The following MCPH1 variants were observed in gnomAD, a reference collection of about 807,000 sequenced individuals.
The protein encoded by MCPH1 is microcephalin 1, also known as microcephalin.
Under a neutral mutation model 84.5 loss-of-function variants are expected in MCPH1, and 104 were observed. The observed-to-expected ratio is 1.23, with a 90% confidence interval of 1.05 to 1.45. The LOEUF (loss-of-function observed/expected upper bound fraction) is 1.45, where lower values mean the gene tolerates loss of function less well. MCPH1 is among the 40% of genes most tolerant of loss of function. The pLI is 0.00. For synonymous variants in MCPH1, 514 were observed against 366.8 expected (o/e 1.40, Z -4.58); for missense variants, 1,498 against 1,005.7 (o/e 1.49, Z -6.62).
At chr8:6,418,026 C>T (rs1388194590) in intron 3 of MCPH1, among the ~76,000 whole-genome samples, 1 of 152,204 alleles carries the variant, frequency 6.6e-6, no homozygotes, top group Non-Finnish European at 1.5e-5. Flanking sequence ...CTTTAAGCCT[C>T]AGGTGCAGGC....
intron 12 of MCPH1, chr8:6,514,838 A>G: frequency 7.0e-7 from 1 of 1,434,612 alleles, no homozygotes; most frequent in Non-Finnish European, 9.8e-7. Flanking sequence ...CTTACGTAGC[A>G]GAAGCAGGAG....
intron 12 of MCPH1, among the ~76,000 whole-genome samples, chr8:6,531,608 A>T (rs1314177188): frequency 1.3e-5 from 2 of 152,088 alleles, no homozygotes; most frequent in African/African-American, 2.4e-5. Context: ...TGACTATTTC[A>T]GTCTTCTTTC....
intron 12 of MCPH1, among the ~76,000 whole-genome samples, chr8:6,552,121 A>G (rs1018968525): frequency 1.4e-4 from 22 of 152,222 alleles, no homozygotes; most frequent in Non-Finnish European, 5.9e-5. Flanking sequence ...AATCTTTTCT[A>G]CTAAGATATG....
At position 6,465,924 on chromosome 8, in the gene MCPH1, G is replaced by GATGC. The variant is rs368134296; in HGVS notation, c.1935+10674_1935+10675insGCAT. 2.7e-3 allele frequency among the ~76,000 whole-genome samples: 407 copies of GATGC among 148,334 alleles called. 2 individuals are homozygous for GATGC. The highest frequency in any genetic ancestry group is 0.024 in the Middle Eastern group (7 of 292). On this transcript the variant is annotated intron_variant, in intron 9 of 13. Transcript: ENST00000344683. ...TATTTCCTACTCAATTTTATCTATC[G>GATGC]ATCCATCCATCCATCCATCCATGCA...
intron 12 of MCPH1, among the ~76,000 whole-genome samples, chr8:6,610,476 T>G (rs1830166952): frequency 2.0e-5 from 3 of 152,276 alleles, no homozygotes; most frequent in African/African-American, 7.2e-5. Flanking sequence ...GCTGCTCTTT[T>G]CAGCCTTTCT....
chr8:6,620,896 G>C (rs1008259064), intron 12 of MCPH1: 1 of 163,736 alleles, frequency 6.1e-6, no homozygotes, highest in Non-Finnish European at 1.3e-5. Context: ...CAAACCCAGC[G>C]TGTTTCGGGA....
rs1806450700 is a variant in MCPH1, at chr8:6,462,986, A to T, written c.1935+7734A>T. 2.6e-5 allele frequency among the ~76,000 whole-genome samples: 4 copies of T among 152,292 alleles called. No individual in the cohort carries two copies. The South Asian group carries it at 8.3e-4, about 32-fold the overall frequency. The stretch of plus-strand genomic sequence containing the variant: ...CAGAGACCACCATGTGTCTTTAATG[A>T]AAATGACCCTCAAAACTCTGGGACA... On this transcript the variant is annotated intron_variant, in intron 9 of 13. Coordinates refer to ENST00000344683, the MANE Select transcript of MCPH1 (RefSeq NM_024596.5).
chr8:6,507,375 A>G (rs565603060), intron 12 of MCPH1, among the ~76,000 whole-genome samples: 108 of 152,132 alleles, frequency 7.1e-4, no homozygotes, highest in African/African-American at 2.5e-3. Flanking sequence ...AACCCTGCCA[A>G]TTTTCCTGTT....
At chr8:6,497,464 T>C (rs1811369018) in intron 11 of MCPH1, among the ~76,000 whole-genome samples, 1 of 152,112 alleles carries the variant, frequency 6.6e-6, no homozygotes, top group South Asian at 2.1e-4. Flanking sequence ...ATTACACCAC[T>C]GTACTCCAGC....
Position 6,531,351 on chromosome 8 carries a change from C to T in MCPH1, c.2214+31422C>T, listed in dbSNP as rs1233552333. On this transcript the variant is annotated intron_variant, in intron 12 of 13. Transcript: ENST00000344683. ...TTGCCCAGGCTGGAGTGCAGTGGCA[C>T]GATCTCAACTCACTGCAGCCTCTGC... Among the ~76,000 whole-genome samples the T allele has an allele frequency of 6.0e-5, 9 of 151,050 alleles. No homozygotes were observed. In the South Asian group the frequency reaches 1.0e-3, roughly 18 times the overall value.
At position 6,645,656 on chromosome 8, in the gene MCPH1, A is replaced by C. The variant is rs1301348808; in HGVS notation, c.*2607A>C. Reference sequence around the variant, plus strand: ...TACAAGAACTTATAACAAGTTTAGCAAGATTGCAATATACAATCTTGCAAT... The same window carrying C: ...TACAAGAACTTATAACAAGTTTAGCCAGATTGCAATATACAATCTTGCAAT... On this transcript the variant is annotated 3_prime_UTR_variant, in exon 14 of 14. Coordinates refer to ENST00000344683, the MANE Select transcript of MCPH1 (RefSeq NM_024596.5). 1 of 151,348 alleles carries C rather than the reference A, an allele frequency of 6.6e-6. No individual in the cohort carries two copies. The highest frequency in any genetic ancestry group is 2.4e-5 in the African/African-American group (1 of 41,146). 9.4% of individuals were successfully genotyped at this position (151,348 alleles called of 1,614,324 possible).
At chr8:6,639,804 TC>T (rs1379031577) in intron 13 of MCPH1, among the ~76,000 whole-genome samples, 1 of 152,210 alleles carries the variant, frequency 6.6e-6, no homozygotes, top group Non-Finnish European at 1.5e-5. Context: ...AGAAGATCCT[TC>T]CAGCTTAACA....
intron 8 of MCPH1, among the ~76,000 whole-genome samples, chr8:6,453,682 G>A (rs554686179): frequency 2.0e-5 from 3 of 152,264 alleles, no homozygotes; most frequent in East Asian, 1.9e-4. Context: ...GAAAATAAGT[G>A]CGTAGTAGAT....
At chr8:6,631,913 T>G (rs774414157) in intron 13 of MCPH1, among the ~76,000 whole-genome samples, 2 of 152,230 alleles carry the variant, frequency 1.3e-5, no homozygotes, top group Non-Finnish European at 2.9e-5. Context: ...TTGTTCACAA[T>G]AGCCAAAAGG....
intron 12 of MCPH1, 45 bp downstream of exon 12, chr8:6,499,974 C>T (rs1294085893): frequency 6.6e-7 from 1 of 1,518,198 alleles, no homozygotes; most frequent in Non-Finnish European, 9.1e-7. Flanking sequence ...GTTTGCTGTT[C>T]TCAAGAAATT....
Position 6,625,150 on chromosome 8 carries a change from C to T in MCPH1, c.2452+3459C>T, listed in dbSNP as rs1011791479. On this transcript the variant is annotated intron_variant, in intron 13 of 13. Coordinates refer to ENST00000344683, the MANE Select transcript of MCPH1 (RefSeq NM_024596.5). Reference sequence around the variant, plus strand: ...TCGGCCTCCCAAAGTGCTGGGATTACAGGCGTGAGCCACCGTGCCTGGCCG... The same window carrying T: ...TCGGCCTCCCAAAGTGCTGGGATTATAGGCGTGAGCCACCGTGCCTGGCCG... The T allele has an allele frequency of 1.3e-5, 13 of 980,708 alleles. 1 individual carries two copies. In the African/African-American group the frequency reaches 1.9e-4, roughly 15 times the overall value. The allele number at this position is 980,708 out of a possible 1,614,324, so 60.8% of individuals were successfully genotyped here.
Position 6,645,662 on chromosome 8 carries a change from G to A in MCPH1, c.*2613G>A, listed in dbSNP as rs1020044878. On this transcript the variant is annotated 3_prime_UTR_variant, in exon 14 of 14. Transcript: ENST00000344683. ...AACTTATAACAAGTTTAGCAAGATT[G>A]CAATATACAATCTTGCAATCTTCCT... 16 of 142,152 alleles carry A rather than the reference G, an allele frequency of 1.1e-4. No homozygotes were observed. Among genetic ancestry groups the A allele is most frequent in the Middle Eastern group, 3.7e-3 (1 of 270 alleles). The allele number at this position is 142,152 out of a possible 1,614,324, so 8.8% of individuals were successfully genotyped here.
chr8:6,581,561 C>A (rs1827567830), intron 12 of MCPH1, among the ~76,000 whole-genome samples: 1 of 152,194 alleles, frequency 6.6e-6, no homozygotes, highest in Non-Finnish European at 1.5e-5. Flanking sequence ...TATCTTCTGA[C>A]ATTTTTACAA....
rs1586700705 is a variant in MCPH1 at position 6,580,460 on chromosome 8, G to A, written c.2215-40994G>A. Reference sequence around the variant, plus strand: ...TCACGAGGCCAGGAGTTCAAGACCAGCCTGGCCAACATAGTGAAACCCCGT... The same window carrying A: ...TCACGAGGCCAGGAGTTCAAGACCAACCTGGCCAACATAGTGAAACCCCGT... On this transcript the variant is annotated intron_variant, in intron 12 of 13. Transcript: ENST00000344683. Among the ~76,000 whole-genome samples, 3 of 152,244 alleles carry A rather than the reference G, an allele frequency of 2.0e-5. 1 individual carries two copies.
Sources: allele counts gnomAD v4.1 joint callset (sites outside exome capture counted in the v4.1 genomes callset), GRCh38; gene constraint gnomAD v4.1.1; transcripts MANE v1.5; gene names NCBI Gene and HGNC (gene_info 2026-07-23, HGNC 2026-07-21).